The following MYRIP variants were observed in gnomAD, a reference collection of about 807,000 sequenced individuals.
MYRIP encodes the protein rab effector MyRIP.
A neutral mutation model predicts 98.0 loss-of-function variants in MYRIP; 49 were observed. That is an observed-to-expected ratio of 0.50 (90% confidence interval 0.40 to 0.63). The LOEUF is 0.63. Ranked by LOEUF, MYRIP falls within the 30% of genes least tolerant of loss-of-function variation. The pLI is 0.00. For missense variants in MYRIP, 1,004 were observed against 1,058.2 expected (o/e 0.95, Z 0.71); for synonymous variants, 404 against 409.5 (o/e 0.99, Z 0.16).
In MYRIP at chr3:39,860,045, G is replaced by T. The variant is rs189518730; in HGVS notation, c.-30-40742G>T. On this transcript the variant is annotated intron_variant, in intron 1 of 16. Coordinates refer to ENST00000302541, the MANE Select transcript of MYRIP (RefSeq NM_015460.4). ...AAAAGGAAATACAAGGCATACAAAT[G>T]CAAAAAGAAGTATAATTATTTCTGT... 8.5e-5 allele frequency among the ~76,000 whole-genome samples: 13 copies of T among 152,260 alleles called. No individual in the cohort carries two copies. In the East Asian group the frequency reaches 1.9e-3, roughly 23 times the overall value.
rs1383915867 is a variant in MYRIP, at chr3:40,259,856, G to A, written c.*1690G>A. The A allele has an allele frequency of 2.0e-5, 3 of 152,536 alleles. No homozygotes were observed. Among genetic ancestry groups the A allele is most frequent in the Admixed American group, 6.5e-5 (1 of 15,274 alleles). The allele number at this position is 152,536 out of a possible 1,614,324, so 9.4% of individuals were successfully genotyped here. On this transcript the variant is annotated 3_prime_UTR_variant, in exon 17 of 17. Transcript: ENST00000302541. ...ACACAACAAAAAAGATTTGACTTCC[G>A]AATAGAATGTTTTCTTTAAGAGGCA...
intron 1 of MYRIP, among the ~76,000 whole-genome samples, chr3:39,876,459 T>A (rs1291192703): frequency 6.6e-6 from 1 of 152,244 alleles, no homozygotes; most frequent in African/African-American, 2.4e-5. Flanking sequence ...CATTTTGGCA[T>A]GATTTTGCAG....
intron 1 of MYRIP, among the ~76,000 whole-genome samples, chr3:39,811,440 T>G (rs543148695): frequency 1.3e-5 from 2 of 152,154 alleles, no homozygotes; most frequent in African/African-American, 4.8e-5. Flanking sequence ...TTTAAAAAAT[T>G]TTACAGCAAT....
intron 2 of MYRIP, among the ~76,000 whole-genome samples, chr3:40,034,705 C>T (rs1206631371): frequency 1.3e-5 from 2 of 151,302 alleles, no homozygotes; most frequent in East Asian, 4.0e-4. Flanking sequence ...CCATTTGACC[C>T]AGCCATCCCA....
At chr3:40,151,213 T>C (rs1173224649) in intron 4 of MYRIP, 29 bp downstream of exon 4, 1 of 1,575,348 alleles carries the variant, frequency 6.3e-7, no homozygotes, top group Non-Finnish European at 8.7e-7. Flanking sequence ...GCTCTGGGAG[T>C]CTTTGGTGGG....
At chr3:40,250,092 T>TTGAA (rs547316885) in intron 13 of MYRIP, 130 bp from the exon 14 acceptor site, 62 of 711,756 alleles carry the variant, frequency 8.7e-5, no homozygotes, top group South Asian at 2.0e-4. Flanking sequence ...TTGGTAGAAG[T>TTGAA]TGAATGAATG....
intron 2 of MYRIP, among the ~76,000 whole-genome samples, chr3:39,936,222 T>C (rs189922795): frequency 4.3e-4 from 66 of 152,362 alleles, no homozygotes; most frequent in African/African-American, 1.4e-3. Context: ...TGGAAGTGTT[T>C]AAGAAATTTA....
At chr3:39,879,197 C>T (rs1342769558) in intron 1 of MYRIP, among the ~76,000 whole-genome samples, 1 of 151,524 alleles carries the variant, frequency 6.6e-6, no homozygotes, top group Non-Finnish European at 1.5e-5. Flanking sequence ...AACATAAAGT[C>T]AGTTGTTATC....
At chr3:40,017,693 CTTT>C (rs904657247) in intron 2 of MYRIP, among the ~76,000 whole-genome samples, 188 of 114,770 alleles carry the variant, frequency 1.6e-3, no homozygotes, top group African/African-American at 4.1e-3. Flanking sequence ...TAATTTACTT[CTTT>C]TTTTTTTTTT....
intron 1 of MYRIP, among the ~76,000 whole-genome samples, chr3:39,856,469 C>A (rs991134566): frequency 6.6e-6 from 1 of 152,204 alleles, no homozygotes; most frequent in East Asian, 1.9e-4. Flanking sequence ...CATTTGAATG[C>A]ACAGTAGAAC....
At chr3:40,122,748 T>C (rs1949430796) in intron 3 of MYRIP, among the ~76,000 whole-genome samples, 1 of 152,084 alleles carries the variant, frequency 6.6e-6, no homozygotes, top group African/African-American at 2.4e-5. Context: ...ATATATATTT[T>C]GATATAAGCC....
intron 10 of MYRIP, among the ~76,000 whole-genome samples, chr3:40,206,009 A>T (rs1335042802): frequency 2.6e-5 from 4 of 152,060 alleles, no homozygotes; most frequent in Non-Finnish European, 4.4e-5. Flanking sequence ...AGCCGTTTGG[A>T]GGCATGGACC....
intron 4 of MYRIP, among the ~76,000 whole-genome samples, chr3:40,159,973 C>G (rs1396254513): frequency 1.3e-5 from 2 of 152,204 alleles, no homozygotes; most frequent in African/African-American, 2.4e-5. Flanking sequence ...ATTTGATCAT[C>G]TGAAGCCTTC....
chr3:39,863,753 A>G (rs1341561689), intron 1 of MYRIP, among the ~76,000 whole-genome samples: 1 of 151,886 alleles, frequency 6.6e-6, no homozygotes, highest in Non-Finnish European at 1.5e-5. Context: ...AACTGGTACT[A>G]TTCCAAAAAA....
intron 2 of MYRIP, among the ~76,000 whole-genome samples, chr3:39,964,410 T>C (rs777371162): frequency 3.2e-4 from 49 of 152,172 alleles, no homozygotes; most frequent in Non-Finnish European, 5.7e-4. Flanking sequence ...CTCCTCACAA[T>C]TGTGTTTGTT....
intron 13 of MYRIP, 113 bp downstream of exon 13, chr3:40,244,720 C>CA: frequency 8.4e-7 from 1 of 1,197,350 alleles, no homozygotes. Flanking sequence ...TCATCTCCAG[C>CA]ATGTTTGCGT....
rs541000072 is a variant in MYRIP, at chr3:39,955,079, A to G, written c.110+54153A>G. ...GTACCTGAAAGTGACGGGGAGAATG[A>G]AACCAAGTTGGAAAACACTCTGCAG... On this transcript the variant is annotated intron_variant, in intron 2 of 16. Transcript: ENST00000302541. 9.8e-4 allele frequency among the ~76,000 whole-genome samples: 149 copies of G among 152,332 alleles called. 1 individual carries two copies. The highest frequency in any genetic ancestry group is 3.5e-3 in the African/African-American group (147 of 41,584).
chr3:39,958,321 C>G (rs976495266), intron 2 of MYRIP, among the ~76,000 whole-genome samples: 7 of 152,004 alleles, frequency 4.6e-5, no homozygotes, highest in African/African-American at 1.7e-4. Context: ...GTACTGGTAC[C>G]AAAACAGAGA....
At chr3:39,923,174 G>A (rs1466642387) in intron 2 of MYRIP, among the ~76,000 whole-genome samples, 4 of 152,236 alleles carry the variant, frequency 2.6e-5, no homozygotes, top group South Asian at 2.1e-4. Context: ...AGAGTGGACT[G>A]AAAGTGAATA....
Sources: allele counts gnomAD v4.1 joint callset (sites outside exome capture counted in the v4.1 genomes callset), GRCh38; gene constraint gnomAD v4.1.1; transcripts MANE v1.5; gene names NCBI Gene and HGNC (gene_info 2026-07-23, HGNC 2026-07-21).